The following NIN variants were observed in gnomAD, a reference collection of about 807,000 sequenced individuals.
NIN encodes glycogen synthase kinase 3 beta-interacting protein.
NIN carries 137 observed loss-of-function variants against 257.6 expected under a neutral mutation model. The ratio of observed to expected loss-of-function variants is 0.53; its 90% CI spans 0.46 to 0.61. The LOEUF is 0.61. NIN is among the 20% of genes least tolerant of loss of function. NIN has a pLI of 0.00. For synonymous variants in NIN, 918 were observed against 919.8 expected (o/e 1.00, Z 0.04); for missense variants, 2,439 against 2,501.2 (o/e 0.98, Z 0.53).
At position 50,721,655 on chromosome 14, in the gene NIN, A is replaced by C. The variant is rs1036346659; in HGVS notation, c.*1808T>G. 13 of 217,598 alleles carry C rather than the reference A, an allele frequency of 6.0e-5. No individual in the cohort carries two copies. Among genetic ancestry groups the C allele is most frequent in the African/African-American group, 2.9e-4 (13 of 44,634 alleles). The allele number at this position is 217,598 out of a possible 1,614,324, so 13.5% of individuals were successfully genotyped here. A position where few individuals can be genotyped will look rare whatever the true frequency, so the allele number is the denominator to read the frequency against. On this transcript the variant is annotated 3_prime_UTR_variant, in exon 31 of 31. Coordinates refer to ENST00000530997, the MANE Select transcript of NIN (RefSeq NM_020921.4). ...AAAGATCTAAAGAAGGCATAATAGC[A>C]GATGTCAAATATTTTGAAGTATAAT... is the stretch of plus-strand genomic sequence containing the variant.
chr14:50,820,410 C>A (rs1030494863), intron 3 of NIN, among the ~76,000 whole-genome samples: 14 of 152,286 alleles, frequency 9.2e-5, no homozygotes, highest in Non-Finnish European at 1.8e-4. Flanking sequence ...TCTAAGAAAA[C>A]CACTCAAGGA....
intron 5 of NIN, among the ~76,000 whole-genome samples, chr14:50,782,318 A>G (rs2043166399): frequency 6.6e-6 from 1 of 152,240 alleles, no homozygotes; most frequent in South Asian, 2.1e-4. Flanking sequence ...AAGAAAAGCC[A>G]TATGTGTAAA....
chr14:50,729,492 G>T, intron 29 of NIN, 31 bp downstream of exon 29: 4 of 1,577,110 alleles, frequency 2.5e-6, no homozygotes, highest in South Asian at 1.1e-5. Context: ...AAATTAACAG[G>T]TGATCTACTA....
intron 6 of NIN, among the ~76,000 whole-genome samples, chr14:50,777,625 C>T (rs1406711005): frequency 1.3e-5 from 2 of 151,910 alleles, no homozygotes; most frequent in African/African-American, 4.8e-5. Flanking sequence ...TAGCCTGTTC[C>T]CAAATCCTTA....
chr14:50,769,252 C>T (rs935312337), intron 12 of NIN, among the ~76,000 whole-genome samples: 1 of 152,150 alleles, frequency 6.6e-6, no homozygotes, highest in South Asian at 2.1e-4. Context: ...GGCTGAGGAA[C>T]CTGATCAAAG....
chr14:50,777,513 A>C (rs966606116), intron 6 of NIN, among the ~76,000 whole-genome samples: 2 of 152,228 alleles, frequency 1.3e-5, no homozygotes, highest in Non-Finnish European at 2.9e-5. Flanking sequence ...CTCTATCTCA[A>C]CTATAGCTAC....
rs146631591 is a variant in NIN, at chr14:50,722,273, G to A, written c.*1190C>T. On this transcript the variant is annotated 3_prime_UTR_variant, in exon 31 of 31. Coordinates refer to ENST00000530997, the MANE Select transcript of NIN (RefSeq NM_020921.4). ...CCTTGACCTCAGGTGGCATGCCAAT[G>A]ATTATCACAGTAAGAAATTCTTAGA... The A allele has an allele frequency of 9.3e-3, 2,070 of 222,952 alleles. 12 individuals carry two copies. Among genetic ancestry groups the A allele is most frequent in the Non-Finnish European group, 0.011 (1,267 of 111,638 alleles). The allele number at this position is 222,952 out of a possible 1,614,324, so 13.8% of individuals were successfully genotyped here.
chr14:50,752,658 G>T lies in NIN; in HGVS notation c.4810C>A (p.Gln1604Lys). 6.2e-7 allele frequency: 1 copy of T among 1,613,252 alleles called. No individual in the cohort carries two copies. Among genetic ancestry groups the T allele is most frequent in the Non-Finnish European group, 8.5e-7 (1 of 1,179,634 alleles). ...TGATTAAGTTCTTGCAGTTTTTCCT[G>T]GTTTTGAGAGTTCTTTTGGCTAAGT... is the stretch of plus-strand genomic sequence containing the variant. ...TELSQKNSQN[Q>K]EKLQELNQRL... is the part of the protein sequence containing the mutation. Residue 1604 changes from glutamine (Q) to lysine (K), a missense_variant, in exon 21 of 31, where the codon CAG becomes AAG. By Grantham distance (53) the Gln-to-Lys change is moderately conservative. Coordinates refer to ENST00000530997, the MANE Select transcript of NIN (RefSeq NM_020921.4).
rs2140296792 is a variant in NIN, at chr14:50,721,890, A to T, written c.*1573T>A. Reference sequence around the variant, plus strand: ...AGAAACCCTGAAGTTCCCTGATGGAAATTATTTTGTTGAGATTGAGTTTCT... The same window carrying T: ...AGAAACCCTGAAGTTCCCTGATGGATATTATTTTGTTGAGATTGAGTTTCT... On this transcript the variant is annotated 3_prime_UTR_variant, in exon 31 of 31. Transcript: ENST00000530997. 1 of 224,154 alleles carries T rather than the reference A, an allele frequency of 4.5e-6. No homozygotes were observed. The highest frequency in any genetic ancestry group is 6.4e-5 in the East Asian group (1 of 15,638). 13.9% of individuals were successfully genotyped at this position (224,154 alleles called of 1,614,324 possible). A position where few individuals can be genotyped will look rare whatever the true frequency, so the allele number is the denominator to read the frequency against.
intron 27 of NIN, among the ~76,000 whole-genome samples, chr14:50,735,915 T>C (rs1378720452): frequency 1.3e-5 from 2 of 152,172 alleles, no homozygotes; most frequent in African/African-American, 4.8e-5. Flanking sequence ...CCCACACATA[T>C]GTACAGTACA....
intron 23 of NIN, 132 bp downstream of exon 23, chr14:50,744,111 A>G: frequency 1.1e-6 from 1 of 946,470 alleles, no homozygotes; most frequent in Non-Finnish European, 1.6e-6. Context: ...CAGAATGCCA[A>G]AGAAATGCTG....
chr14:50,771,495 C>T, intron 9 of NIN, 27 bp from the exon 10 acceptor site: 1 of 1,610,152 alleles, frequency 6.2e-7, no homozygotes, highest in Non-Finnish European at 8.5e-7. Context: ...GGCGTAAATT[C>T]AAAAACAAAT....
intron 12 of NIN, among the ~76,000 whole-genome samples, chr14:50,769,760 TG>T (rs2042649823): frequency 6.6e-6 from 1 of 152,096 alleles, no homozygotes; most frequent in Non-Finnish European, 1.5e-5. Context: ...CCTCGGCCTC[TG>T]AAAGTGCTGG....
At chr14:50,784,580 G>A (rs2043264646) in intron 5 of NIN, among the ~76,000 whole-genome samples, 1 of 152,162 alleles carries the variant, frequency 6.6e-6, no homozygotes, top group Non-Finnish European at 1.5e-5. Flanking sequence ...AAAAACAGCA[G>A]ACAGACTAGT....
At chr14:50,725,542 C>T (rs2040376240) in intron 30 of NIN, among the ~76,000 whole-genome samples, 1 of 151,916 alleles carries the variant, frequency 6.6e-6, no homozygotes, top group South Asian at 2.1e-4. Flanking sequence ...ATTTTTTTAA[C>T]CAATATCATT....
chr14:50,825,769 T>G (rs1329756341), intron 2 of NIN, among the ~76,000 whole-genome samples: 1 of 152,208 alleles, frequency 6.6e-6, no homozygotes, highest in Non-Finnish European at 1.5e-5. Context: ...TGTTAGCCAG[T>G]TGAACAGTAC....
At chr14:50,730,452 C>G (rs116518559) in intron 28 of NIN, among the ~76,000 whole-genome samples, 1 of 152,154 alleles carries the variant, frequency 6.6e-6, no homozygotes, top group Non-Finnish European at 1.5e-5. Context: ...TCTATACACA[C>G]GCGGAGCATG....
At chr14:50,815,946 CA>C (rs1184018709) in intron 3 of NIN, among the ~76,000 whole-genome samples, 2 of 152,140 alleles carry the variant, frequency 1.3e-5, no homozygotes, top group East Asian at 3.9e-4. Flanking sequence ...GCAGAGGTTG[CA>C]GTGAGCTGAG....
chr14:50,822,078 C>A lies in NIN; in HGVS notation c.-21-1G>T. The A allele has an allele frequency of 6.2e-7, 1 of 1,605,344 alleles. No individual in the cohort carries two copies. Among genetic ancestry groups the A allele is most frequent in the Non-Finnish European group, 8.5e-7 (1 of 1,174,652 alleles). On this transcript the variant is annotated splice_acceptor_variant, in intron 2 of 30. Transcript: ENST00000530997. LOFTEE classifies it low-confidence loss of function (5UTR_SPLICE). The stretch of plus-strand genomic sequence containing the variant: ...CCATCCCATAGCCCACAGTGCTCAC[C>A]TGTGTGTAAGACAGAGACAAGGACA...
Sources: allele counts gnomAD v4.1 joint callset (sites outside exome capture counted in the v4.1 genomes callset), GRCh38; gene constraint gnomAD v4.1.1; transcripts MANE v1.5; gene names NCBI Gene and HGNC (gene_info 2026-07-23, HGNC 2026-07-21).